Variants in NTRK3 observed in about 807,000 individuals in gnomAD.
NTRK3 encodes NT-3 growth factor receptor.
Under a neutral mutation model 91.7 loss-of-function variants are expected in NTRK3, and 24 were observed. The observed-to-expected ratio is 0.26, with a 90% CI of 0.19 to 0.37. The LOEUF is 0.37. Ranked by LOEUF, NTRK3 falls within the 10% of genes least tolerant of loss-of-function variation. The pLI is 1.00. For missense variants in NTRK3, 880 were observed against 1,068.9 expected, an observed-to-expected ratio of 0.82 and a Z score of 2.46; for synonymous variants, 483 against 404.0, an observed-to-expected ratio of 1.20 and a Z score of -2.34.
Position 87,928,664 on chromosome 15 carries a change from T to G in NTRK3, c.2133+527A>C, listed in dbSNP as rs1294798293. ...CATCTGTTCCAGCCCATTTGGATAATGCTCAGCAATATATTAGCCATCTTT... is the reference window on the plus strand; with the variant it reads ...CATCTGTTCCAGCCCATTTGGATAAGGCTCAGCAATATATTAGCCATCTTT... On this transcript the variant is annotated intron_variant, in intron 17 of 18. Coordinates refer to ENST00000394480, the Ensembl canonical transcript of NTRK3. The G allele has an allele frequency of 1.1e-5, 2 of 189,824 alleles. 1 individual carries two copies. The highest frequency in any genetic ancestry group is 2.1e-4 in the South Asian group (2 of 9,416). The allele number at this position is 189,824 out of a possible 1,614,324, so 11.8% of individuals were successfully genotyped here. A position where few individuals can be genotyped will look rare whatever the true frequency, so the allele number is the denominator to read the frequency against.
In NTRK3 at chr15:88,255,630, G is replaced by T. The variant is rs562283586; in HGVS notation, c.248+276C>A. Among the ~76,000 whole-genome samples the T allele has an allele frequency of 6.6e-6, 1 of 152,316 alleles. No homozygotes were observed. Among genetic ancestry groups the T allele is most frequent in the East Asian group, 1.9e-4 (1 of 5,166 alleles). ...CGAGCCAGCAACTGGTTGGGAGGCG[G>T]GCGGTAGCTGGGCCCCGCGTGCCCT... On this transcript the variant is annotated intron_variant, in intron 3 of 18. Coordinates refer to ENST00000394480, the Ensembl canonical transcript of NTRK3. This position sits in a 1 kb window ranked among gnomAD's most constrained non-coding sequence, Gnocchi z 4.3.
At chr15:88,125,865 G>A (rs924574747) in intron 13 of NTRK3, among the ~76,000 whole-genome samples, 1 of 152,190 alleles carries the variant, frequency 6.6e-6, no homozygotes, top group Non-Finnish European at 1.5e-5. Context: ...TTGCTGTGCT[G>A]ACGCCTTCCC....
exon 19 of NTRK3, chr15:87,868,116 A>C (rs1251022028): frequency 4.3e-6 from 1 of 231,654 alleles, no homozygotes; most frequent in African/African-American, 2.2e-5. Context: ...AGCGACACAA[A>C]TGGGGCATAT....
intron 14 of NTRK3, among the ~76,000 whole-genome samples, chr15:87,975,781 C>G (rs2141308015): frequency 6.6e-6 from 1 of 152,330 alleles, no homozygotes; most frequent in South Asian, 2.1e-4. Flanking sequence ...TCTTCCCCGT[C>G]AATTCAGATG....
chr15:88,109,825 G>A (rs529715502), intron 13 of NTRK3, among the ~76,000 whole-genome samples: 3 of 152,130 alleles, frequency 2.0e-5, no homozygotes, highest in Middle Eastern at 3.2e-3. Flanking sequence ...AAAACCAAGT[G>A]TATGAACCAC....
At chr15:87,866,496 A>G (rs1372515354) in exon 19 of NTRK3, 1 of 168,300 alleles carries the variant, frequency 5.9e-6, no homozygotes, top group Admixed American at 6.5e-5. Context: ...TATAATAATA[A>G]TCATATATAC....
At chr15:88,173,254 C>T (rs992175346) in intron 5 of NTRK3, among the ~76,000 whole-genome samples, 9 of 152,258 alleles carry the variant, frequency 5.9e-5, no homozygotes, top group African/African-American at 1.9e-4. Context: ...AAGTTGCGCA[C>T]ATAGGCACAA....
chr15:88,135,966 G>A (rs2151202019), exon 9 of NTRK3: 1 of 1,614,260 alleles, frequency 6.2e-7, no homozygotes, highest in Non-Finnish European at 8.5e-7. Flanking sequence ...ACGTCAGGGT[G>A]AAGCCATTGT....
At chr15:88,139,553 C>G (rs553693187) in intron 6 of NTRK3, among the ~76,000 whole-genome samples, 1 of 152,270 alleles carries the variant, frequency 6.6e-6, no homozygotes, top group South Asian at 2.1e-4. Flanking sequence ...GCAAATACCC[C>G]TATGTGGTAT....
rs75452758 is a variant in NTRK3, at chr15:88,231,718, T to C, written c.248+24188A>G. On this transcript the variant is annotated intron_variant, in intron 3 of 18. Coordinates refer to ENST00000394480, the Ensembl canonical transcript of NTRK3. ...TCATAGTGAACACACTTGTGTCCAC[T>C]CATGAGCGGTTTAAAGAGTTTTCAG... 4.6e-3 allele frequency among the ~76,000 whole-genome samples: 696 copies of C among 152,300 alleles called. 8 individuals carry two copies. Among genetic ancestry groups the C allele is most frequent in the African/African-American group, 0.016 (656 of 41,552 alleles).
At chr15:87,859,797 TCAG>T in exon 19 of NTRK3, 1 of 177,170 alleles carries the variant, frequency 5.6e-6, no homozygotes, top group Admixed American at 6.3e-5. Flanking sequence ...ATAAACTATG[TCAG>T]GAGGATACAG....
At chr15:88,029,057 C>T (rs2078293437) in intron 14 of NTRK3, among the ~76,000 whole-genome samples, 1 of 152,202 alleles carries the variant, frequency 6.6e-6, no homozygotes, top group Non-Finnish European at 1.5e-5. Flanking sequence ...TTCTATCGGA[C>T]CTGGCCCAAA....
At chr15:88,231,628 A>T (rs1199888952) in intron 3 of NTRK3, among the ~76,000 whole-genome samples, 1 of 152,188 alleles carries the variant, frequency 6.6e-6, no homozygotes, top group African/African-American at 2.4e-5. Context: ...GCGAGCATCC[A>T]TCAACACCAG....
intron 14 of NTRK3, among the ~76,000 whole-genome samples, chr15:87,999,667 G>A (rs559410356): frequency 6.6e-6 from 1 of 152,252 alleles, no homozygotes; most frequent in South Asian, 2.1e-4. Context: ...AGGAGCTGAG[G>A]ACATGACTAA....
chr15:88,106,895 T>C (rs1373173923), intron 13 of NTRK3, among the ~76,000 whole-genome samples: 1 of 150,108 alleles, frequency 6.7e-6, no homozygotes, highest in South Asian at 2.1e-4. Flanking sequence ...ATCGCACCAC[T>C]GCACTCCAAC....
chr15:87,892,250 T>C (rs1567076878), intron 17 of NTRK3, among the ~76,000 whole-genome samples: 1 of 152,158 alleles, frequency 6.6e-6, no homozygotes, highest in Non-Finnish European at 1.5e-5. Flanking sequence ...TCTCTAATGA[T>C]TGGGGAAATA....
chr15:88,202,314 G>A (rs1188725793), intron 3 of NTRK3, among the ~76,000 whole-genome samples: 1 of 152,136 alleles, frequency 6.6e-6, no homozygotes, highest in African/African-American at 2.4e-5. Flanking sequence ...CCACTTCACT[G>A]ACTTTCTCTC....
At chr15:88,037,962 C>T (rs927609960) in intron 13 of NTRK3, among the ~76,000 whole-genome samples, 1 of 152,244 alleles carries the variant, frequency 6.6e-6, no homozygotes, top group African/African-American at 2.4e-5. Context: ...TTTAAACTCA[C>T]AGTCTGGCTC....
At chr15:87,919,798 C>T (rs1268116928) in intron 17 of NTRK3, among the ~76,000 whole-genome samples, 2 of 152,122 alleles carry the variant, frequency 1.3e-5, no homozygotes, top group Non-Finnish European at 2.9e-5. Context: ...GAGTCTGCTT[C>T]AAAACTGGAG....
Sources: gnomAD v4.1 joint callset for allele counts (sites outside exome capture counted in the v4.1 genomes callset) on GRCh38, gnomAD v4.1.1 for gene constraint, Gnocchi (gnomAD v3.1) non-coding constraint, MANE v1.5 for transcripts, NCBI Gene and HGNC (gene_info 2026-07-23, HGNC 2026-07-21) for gene names.